ANKRD30BL: variants seen among roughly 807,000 people sequenced by gnomAD.
ANKRD30BL encodes the protein ankyrin repeat domain 30B like, also known as putative ankyrin repeat domain-containing protein 30B-like.
Under a neutral mutation model 18.4 loss-of-function variants are expected in ANKRD30BL, and 20 were observed. The observed-to-expected ratio is 1.09, with a 90% CI of 0.77 to 1.58. ANKRD30BL has a LOEUF of 1.58. Among genes scored for constraint, ANKRD30BL ranks in the 40% most tolerant of loss-of-function variants. The pLI is 0.00. For missense variants in ANKRD30BL, 224 were observed against 268.6 expected, an observed-to-expected ratio of 0.83 and a Z score of 1.16; for synonymous variants, 72 against 100.9, an observed-to-expected ratio of 0.71 and a Z score of 1.72.
chr2:132,235,547 G>C (rs62166176), intron 1 of ANKRD30BL, among the ~76,000 whole-genome samples: 1,867 of 151,794 alleles, frequency 0.012, 13 homozygotes, highest in South Asian at 0.024. Flanking sequence ...ACCAACAACA[G>C]ACAAACAGAG....
intron 1 of ANKRD30BL, among the ~76,000 whole-genome samples, chr2:132,185,998 A>T (rs868802929): frequency 6.6e-6 from 1 of 151,916 alleles, no homozygotes; most frequent in Non-Finnish European, 1.5e-5. Flanking sequence ...AAAATTAACC[A>T]GGCGTGGTGG....
chr2:132,164,301 A>C (rs567201246), upstream of ANKRD30BL, among the ~76,000 whole-genome samples: 43 of 95,292 alleles, frequency 4.5e-4, no homozygotes, highest in African/African-American at 1.8e-3. Context: ...TTTAAGATGG[A>C]GTTCTGCTCT....
chr2:132,233,765 T>C (rs1362553194), intron 1 of ANKRD30BL, among the ~76,000 whole-genome samples: 1 of 147,144 alleles, frequency 6.8e-6, no homozygotes, highest in African/African-American at 2.5e-5. Context: ...CTGTCAACAT[T>C]AGACAGATCA....
At chr2:132,256,300 C>G (rs1307183227) in intron 1 of ANKRD30BL, among the ~76,000 whole-genome samples, 2 of 84,996 alleles carry the variant, frequency 2.4e-5, no homozygotes, top group Non-Finnish European at 4.7e-5. Flanking sequence ...GAGGGAGCAG[C>G]TTGGGGTGGT....
chr2:132,234,320 A>C (rs1007430462), intron 1 of ANKRD30BL, among the ~76,000 whole-genome samples: 2 of 152,166 alleles, frequency 1.3e-5, no homozygotes, highest in African/African-American at 4.8e-5. Context: ...AGCAGAAGGC[A>C]AGAAATAACT....
chr2:132,171,247 G>C (rs1328394763), intron 1 of ANKRD30BL, among the ~76,000 whole-genome samples: 3 of 152,004 alleles, frequency 2.0e-5, no homozygotes, highest in Admixed American at 2.0e-4. Context: ...GGACATATTT[G>C]TGATAGGGGA....
chr2:132,192,580 T>C (rs1412902472), intron 1 of ANKRD30BL, among the ~76,000 whole-genome samples: 2 of 151,976 alleles, frequency 1.3e-5, no homozygotes, highest in African/African-American at 2.4e-5. Context: ...CATCATGAGG[T>C]GGAAATAGTA....
chr2:132,185,804 C>T (rs1208211398), intron 1 of ANKRD30BL, among the ~76,000 whole-genome samples: 1 of 152,088 alleles, frequency 6.6e-6, no homozygotes, highest in Non-Finnish European at 1.5e-5. Flanking sequence ...ATAGAGAATA[C>T]ATTCACATGG....
chr2:132,156,904 A>G lies in ANKRD30BL; in HGVS notation c.507+69T>C, dbSNP rs1349386053. On this transcript the variant is annotated intron_variant, in intron 3 of 5. Transcript: ENST00000409867. Reference sequence around the variant, plus strand: ...TGTTTGAGCTTCCAAATATAAAACAATTTACATATGTTAATGTTAAAACAA... The same window carrying G: ...TGTTTGAGCTTCCAAATATAAAACAGTTTACATATGTTAATGTTAAAACAA... The G allele has an allele frequency of 8.5e-6, 4 of 471,284 alleles. No individual in the cohort carries two copies. In the East Asian group the frequency reaches 1.0e-4, roughly 12 times the overall value. The allele number at this position is 471,284 out of a possible 1,614,324, so 29.2% of individuals were successfully genotyped here. A position where few individuals can be genotyped will look rare whatever the true frequency, so the allele number is the denominator to read the frequency against.
chr2:132,256,729 G>A (rs1680852221), intron 1 of ANKRD30BL, among the ~76,000 whole-genome samples: 2 of 152,208 alleles, frequency 1.3e-5, no homozygotes, highest in African/African-American at 2.4e-5. Context: ...TCGGGGTGCC[G>A]CCGACCTGGT....
chr2:132,169,643 C>CT (rs1379150648), intron 1 of ANKRD30BL, among the ~76,000 whole-genome samples: 22 of 52,778 alleles, frequency 4.2e-4, no homozygotes, highest in Middle Eastern at 0.013. Flanking sequence ...GATACTCTGT[C>CT]TAAAAAAAAA....
intron 1 of ANKRD30BL, among the ~76,000 whole-genome samples, chr2:132,221,541 A>G (rs1421185913): frequency 4.7e-5 from 5 of 107,028 alleles, no homozygotes; most frequent in African/African-American, 8.4e-5. Flanking sequence ...TCCGGGAGGG[A>G]GGTGGGGGGG....
chr2:132,234,265 CA>C (rs1240382823), intron 1 of ANKRD30BL, among the ~76,000 whole-genome samples: 4 of 152,064 alleles, frequency 2.6e-5, no homozygotes, highest in African/African-American at 7.2e-5. Context: ...CCTAACATCA[CA>C]ATTAAAATAA....
intron 1 of ANKRD30BL, among the ~76,000 whole-genome samples, chr2:132,223,233 G>A (rs1299780824): frequency 6.6e-6 from 1 of 152,108 alleles, no homozygotes; most frequent in African/African-American, 2.4e-5. Context: ...GAATTTTCAA[G>A]TGGATATTTT....
At chr2:132,236,460 C>T (rs1451035740) in intron 1 of ANKRD30BL, among the ~76,000 whole-genome samples, 1 of 152,018 alleles carries the variant, frequency 6.6e-6, no homozygotes, top group Non-Finnish European at 1.5e-5. Context: ...AAAAAGTGGG[C>T]AAAGGACATG....
Position 132,222,868 on chromosome 2 carries a change from A to G in ANKRD30BL, n.441+34661T>C, listed in dbSNP as rs1213170970. ...AAAAAAAAAAAAAAAAAAAAAAGAA[A>G]CACTGTTTTTGTAGAATCCGTAAGT... On this transcript the variant is annotated intron_variant and non_coding_transcript_variant, in intron 1 of 4. Coordinates refer to the ANKRD30BL transcript ENST00000470729. Among the ~76,000 whole-genome samples, 346 of 148,080 alleles carry G rather than the reference A, an allele frequency of 2.3e-3. 4 individuals carry two copies. The highest frequency in any genetic ancestry group is 8.3e-3 in the African/African-American group (332 of 39,962).
intron 1 of ANKRD30BL, among the ~76,000 whole-genome samples, chr2:132,190,748 T>C (rs1678828760): frequency 6.6e-6 from 1 of 152,186 alleles, no homozygotes; most frequent in Non-Finnish European, 1.5e-5. Flanking sequence ...CAGTTACACA[T>C]TTAGATCTTT....
intron 1 of ANKRD30BL, among the ~76,000 whole-genome samples, chr2:132,215,090 T>C (rs1232464952): frequency 4.0e-5 from 6 of 151,830 alleles, no homozygotes; most frequent in African/African-American, 1.5e-4. Context: ...TGAACCTTTG[T>C]TTTCATTGAG....
At chr2:132,211,782 A>T (rs1379464958) in intron 1 of ANKRD30BL, among the ~76,000 whole-genome samples, 1 of 151,848 alleles carries the variant, frequency 6.6e-6, no homozygotes, top group South Asian at 2.1e-4. Flanking sequence ...CTTCTTTGTG[A>T]TGTGTGCATT....
Sources: gnomAD v4.1 joint callset for allele counts (sites outside exome capture counted in the v4.1 genomes callset) on GRCh38, gnomAD v4.1.1 for gene constraint, MANE v1.5 for transcripts, NCBI Gene and HGNC (gene_info 2026-07-23, HGNC 2026-07-21) for gene names.